CFAP107: variants seen among roughly 807,000 people sequenced by gnomAD.
The protein encoded by CFAP107 is cilia and flagella associated protein 107.
chr1:12,757,808 C>G, the CFAP107 span, among the ~76,000 whole-genome samples: 1 of 152,022 alleles, frequency 6.6e-6, no homozygotes, highest in South Asian at 2.1e-4. Flanking sequence ...TTCATGTTGC[C>G]CTCCTTCTCC....
At chr1:12,751,304 A>C in the CFAP107 span, among the ~76,000 whole-genome samples, 1 of 152,162 alleles carries the variant, frequency 6.6e-6, no homozygotes, top group Admixed American at 6.5e-5. Context: ...GTAAAATAGG[A>C]AATAGGAAAA....
At chr1:12,756,601 T>G in the CFAP107 span, among the ~76,000 whole-genome samples, 2 of 152,164 alleles carry the variant, frequency 1.3e-5, no homozygotes, top group African/African-American at 4.8e-5. Flanking sequence ...GAGTTGTTTC[T>G]TTTGCCAGCC....
the CFAP107 span, chr1:12,746,552 G>T: frequency 1.3e-6 from 2 of 1,593,342 alleles, no homozygotes; most frequent in East Asian, 4.5e-5. Context: ...GTAAGGAAAC[G>T]AGAGAGGTTG....
chr1:12,750,494 T>C, the CFAP107 span, among the ~76,000 whole-genome samples: 2 of 152,126 alleles, frequency 1.3e-5, no homozygotes, highest in Non-Finnish European at 2.9e-5. Flanking sequence ...AGAGTGACTA[T>C]AGATTGAAGT....
chr1:12,759,618 G>A, the CFAP107 span: 3 of 1,028,702 alleles, frequency 2.9e-6, no homozygotes, highest in Non-Finnish European at 4.4e-6. Flanking sequence ...GGATGACATA[G>A]TAGGGGCTGA....
the CFAP107 span, among the ~76,000 whole-genome samples, chr1:12,755,040 A>C: frequency 6.6e-6 from 1 of 152,232 alleles, no homozygotes; most frequent in African/African-American, 2.4e-5. Context: ...ATTAAACTTT[A>C]AGAAAACTAA....
At chr1:12,746,462 T>A in the CFAP107 span, 3 of 1,613,528 alleles carry the variant, frequency 1.9e-6, no homozygotes, top group African/African-American at 2.7e-5. Flanking sequence ...CCACAGCCAC[T>A]CTCTACTCCG....
At chr1:12,748,461 TAAAA>T in the CFAP107 span, among the ~76,000 whole-genome samples, 3 of 122,034 alleles carry the variant, frequency 2.5e-5, no homozygotes, top group East Asian at 7.2e-4. Context: ...GTAGGGGAAT[TAAAA>T]AAAAAAAAAA....
At chr1:12,749,550 C>T in the CFAP107 span, among the ~76,000 whole-genome samples, 1 of 152,072 alleles carries the variant, frequency 6.6e-6, no homozygotes, top group Non-Finnish European at 1.5e-5. Context: ...GGTGGAGGTT[C>T]TAGTGAGCCG....
the CFAP107 span, chr1:12,760,678 G>T: frequency 6.1e-6 from 8 of 1,311,462 alleles, 1 homozygote; most frequent in African/African-American, 1.0e-4. Flanking sequence ...AAATCTCCAG[G>T]GCCCCTGCTG....
At chr1:12,746,654 A>C in the CFAP107 span, 2 of 759,676 alleles carry the variant, frequency 2.6e-6, no homozygotes, top group Non-Finnish European at 4.6e-6. Flanking sequence ...GCATCTTAAA[A>C]ATGTGGCATT....
chr1:12,755,947 C>CG, the CFAP107 span: 4 of 628,194 alleles, frequency 6.4e-6, no homozygotes, highest in Non-Finnish European at 1.1e-5. Flanking sequence ...CCTCCCAGCC[C>CG]GGGGGCTGCA....
the CFAP107 span, chr1:12,746,369 C>T: frequency 2.2e-6 from 3 of 1,385,354 alleles, no homozygotes; most frequent in Non-Finnish European, 2.0e-6. Flanking sequence ...ATAACACCTT[C>T]CTCTCCCCGC....
the CFAP107 span, among the ~76,000 whole-genome samples, chr1:12,755,100 G>C: frequency 6.6e-6 from 1 of 152,080 alleles, no homozygotes; most frequent in East Asian, 1.9e-4. Context: ...AAAGAATGAG[G>C]AACAAAGAAG....
the CFAP107 span, among the ~76,000 whole-genome samples, chr1:12,747,428 TC>T: frequency 1.3e-5 from 2 of 152,136 alleles, no homozygotes; most frequent in African/African-American, 4.8e-5. Flanking sequence ...GTTTTAAAGG[TC>T]TTTGGAAAAT....
chr1:12,751,132 A>T, the CFAP107 span, among the ~76,000 whole-genome samples: 1 of 152,174 alleles, frequency 6.6e-6, no homozygotes, highest in African/African-American at 2.4e-5. Context: ...AGGTAGTGAA[A>T]GTACTGTTAA....
chr1:12,752,580 A>AG, the CFAP107 span, among the ~76,000 whole-genome samples: 1 of 149,436 alleles, frequency 6.7e-6, no homozygotes, highest in Non-Finnish European at 1.5e-5. Context: ...AAAAAAAAAA[A>AG]AATTAATATA....
the CFAP107 span, chr1:12,746,452 C>T: frequency 6.2e-7 from 1 of 1,613,520 alleles, no homozygotes; most frequent in South Asian, 1.1e-5. Flanking sequence ...TGCAGTAAAT[C>T]CACAGCCACT....
chr1:12,757,842 C>T, the CFAP107 span, among the ~76,000 whole-genome samples: 82 of 152,172 alleles, frequency 5.4e-4, no homozygotes, highest in African/African-American at 1.5e-3. Context: ...TCCTCCATCT[C>T]CCACTCCCAC....
Sources: gnomAD v4.1 joint callset for allele counts (sites outside exome capture counted in the v4.1 genomes callset) on GRCh38, gnomAD v4.1.1 for gene constraint, MANE v1.5 for transcripts, NCBI Gene and HGNC (gene_info 2026-07-23, HGNC 2026-07-21) for gene names.